Variants in FBXL13 observed in about 807,000 individuals in gnomAD.
The protein encoded by FBXL13 is F-box and leucine rich repeat protein 13.
FBXL13 carries 67 observed loss-of-function variants against 83.6 expected under a neutral mutation model. The ratio of observed to expected loss-of-function variants is 0.80; its 90% CI spans 0.66 to 0.98. FBXL13 has a LOEUF of 0.98. Ranked by LOEUF, FBXL13 falls within the 50% of genes least tolerant of loss-of-function variation. FBXL13 has a pLI of 0.00. For synonymous variants in FBXL13, 272 were observed against 299.5 expected (o/e 0.91, Z 0.95); for missense variants, 822 against 866.5 (o/e 0.95, Z 0.64).
chr7:102,894,468 A>C (rs1812004907), intron 11 of FBXL13, among the ~76,000 whole-genome samples: 2 of 152,140 alleles, frequency 1.3e-5, no homozygotes. Context: ...TCATGCCTGT[A>C]ATCCTGGCAC....
At chr7:102,826,765 A>ATG (rs1799779419) in intron 18 of FBXL13, among the ~76,000 whole-genome samples, 2 of 114,846 alleles carry the variant, frequency 1.7e-5, no homozygotes, top group African/African-American at 7.4e-5. Context: ...ATATATATAT[A>ATG]TATATATGTA....
chr7:102,920,651 C>T (rs1357669980), intron 10 of FBXL13, among the ~76,000 whole-genome samples: 1 of 152,056 alleles, frequency 6.6e-6, no homozygotes, highest in Admixed American at 6.6e-5. Flanking sequence ...ATGGCCCATA[C>T]ACTCAATTTT....
intron 1 of FBXL13, among the ~76,000 whole-genome samples, chr7:103,059,505 A>G (rs1797652136): frequency 1.3e-5 from 2 of 152,214 alleles, no homozygotes; most frequent in African/African-American, 2.4e-5. Flanking sequence ...TTCCCATAAG[A>G]TTAACGTTTG....
At chr7:102,862,061 T>C (rs1395597707) in intron 16 of FBXL13, among the ~76,000 whole-genome samples, 1 of 149,958 alleles carries the variant, frequency 6.7e-6, no homozygotes, top group Non-Finnish European at 1.5e-5. Flanking sequence ...ACAGACGTTT[T>C]GGGCAGGGCG....
chr7:102,836,313 G>A (rs1483104194), intron 17 of FBXL13, among the ~76,000 whole-genome samples: 1 of 152,162 alleles, frequency 6.6e-6, no homozygotes, highest in Non-Finnish European at 1.5e-5. Context: ...TGGCAGATTG[G>A]CGAACTAAAG....
chr7:102,973,232 G>A (rs962383750), intron 6 of FBXL13: 9 of 261,910 alleles, frequency 3.4e-5, no homozygotes, highest in Non-Finnish European at 6.6e-5. Context: ...CCCAACGCCC[G>A]AAAGCTTGAA....
At chr7:103,027,340 G>C (rs1347081595) in intron 5 of FBXL13, 109 bp downstream of exon 6, 3 of 670,686 alleles carry the variant, frequency 4.5e-6, no homozygotes, top group Non-Finnish European at 7.4e-6. Flanking sequence ...ATCAAAAGTA[G>C]ATAATATTCA....
At chr7:102,920,465 T>G (rs1816760644) in intron 10 of FBXL13, among the ~76,000 whole-genome samples, 1 of 151,988 alleles carries the variant, frequency 6.6e-6, no homozygotes, top group Non-Finnish European at 1.5e-5. Flanking sequence ...TCCTCCCACC[T>G]CAGCCTCCTG....
intron 6 of FBXL13, among the ~76,000 whole-genome samples, chr7:102,986,954 TAC>T (rs1829042530): frequency 6.7e-6 from 1 of 150,070 alleles, no homozygotes; most frequent in African/African-American, 2.4e-5. Context: ...TACACATACA[TAC>T]ACACACCATA....
chr7:102,939,466 T>G, intron 8 of FBXL13: 1 of 1,613,550 alleles, frequency 6.2e-7, no homozygotes, highest in Non-Finnish European at 8.5e-7. Flanking sequence ...CCTCCAGATA[T>G]TGTTAAACTT....
At chr7:102,867,690 TA>T (rs1807909617) in intron 16 of FBXL13, among the ~76,000 whole-genome samples, 7 of 77,504 alleles carry the variant, frequency 9.0e-5, no homozygotes, top group African/African-American at 3.1e-4. Flanking sequence ...TATATATATA[TA>T]TATATTTTTT....
intron 6 of FBXL13, among the ~76,000 whole-genome samples, chr7:103,021,129 A>G (rs1793114143): frequency 1.3e-5 from 2 of 152,224 alleles, no homozygotes; most frequent in Non-Finnish European, 2.9e-5. Context: ...TGGTACCAAA[A>G]CAGAGATATA....
At chr7:102,984,800 AT>A (rs1234329085) in intron 6 of FBXL13, among the ~76,000 whole-genome samples, 1 of 152,206 alleles carries the variant, frequency 6.6e-6, no homozygotes, top group Non-Finnish European at 1.5e-5. Context: ...ATCTAACTGC[AT>A]ACCATTTTCT....
At chr7:102,831,445 A>T (rs1800681397) in intron 18 of FBXL13, among the ~76,000 whole-genome samples, 1 of 150,562 alleles carries the variant, frequency 6.6e-6, no homozygotes, top group Non-Finnish European at 1.5e-5. Context: ...CACTACAGAG[A>T]GTTATCTTGT....
intron 17 of FBXL13, among the ~76,000 whole-genome samples, chr7:102,846,430 C>A (rs1312547323): frequency 6.6e-6 from 1 of 152,084 alleles, no homozygotes; most frequent in Non-Finnish European, 1.5e-5. Context: ...CCAGCCTCAG[C>A]CAACATGGTG....
rs536060100 is a variant in FBXL13 at position 103,051,942 on chromosome 7, G to A, written c.-1+3702C>T. Among the ~76,000 whole-genome samples, 83 of 152,242 alleles carry A rather than the reference G, an allele frequency of 5.5e-4. 1 individual carries two copies. The Middle Eastern group carries it at 0.014, about 25-fold the overall frequency. On this transcript the variant is annotated intron_variant, in intron 2 of 19. Transcript: ENST00000313221. ...TACTCCTAGTTAGGTTTTCAATCTTGTCTACCTATTAAGCTAGGTTGCAGT... is the reference window on the plus strand; with the variant it reads ...TACTCCTAGTTAGGTTTTCAATCTTATCTACCTATTAAGCTAGGTTGCAGT...
chr7:102,963,623 T>A, exon 8 of FBXL13: 1 of 1,607,622 alleles, frequency 6.2e-7, no homozygotes, highest in Non-Finnish European at 8.5e-7. Flanking sequence ...GTAGACACTA[T>A]ATATTTATCT....
chr7:102,995,200 A>G (rs1030338598), intron 6 of FBXL13, among the ~76,000 whole-genome samples: 6 of 152,094 alleles, frequency 3.9e-5, no homozygotes, highest in African/African-American at 1.2e-4. Context: ...AAGCATAGTC[A>G]GCCAGGCACG....
At chr7:102,968,080 C>T in exon 7 of FBXL13, 5 of 1,613,788 alleles carry the variant, frequency 3.1e-6, no homozygotes, top group Non-Finnish European at 4.2e-6. Context: ...AACTTGACCA[C>T]ATATTATCAC....
Sources: gnomAD v4.1 joint callset for allele counts (sites outside exome capture counted in the v4.1 genomes callset) on GRCh38, gnomAD v4.1.1 for gene constraint, MANE v1.5 for transcripts, NCBI Gene and HGNC (gene_info 2026-07-23, HGNC 2026-07-21) for gene names.